The following SNTB1 variants were observed in gnomAD, a reference collection of about 807,000 sequenced individuals.
SNTB1 encodes syntrophin beta 1.
SNTB1 carries 36 observed loss-of-function variants against 48.9 expected under a neutral mutation model. The observed-to-expected ratio is 0.74, with a 90% CI of 0.56 to 0.97. The LOEUF is 0.97. Among genes scored for constraint, SNTB1 ranks in the 50% least tolerant of loss-of-function variants. SNTB1 has a pLI of 0.00. For missense variants in SNTB1, 786 were observed against 703.4 expected, an observed-to-expected ratio of 1.12 and a Z score of -1.33; for synonymous variants, 299 against 294.6, an observed-to-expected ratio of 1.01 and a Z score of -0.15.
chr8:120,570,170 G>A (rs1422069315), intron 4 of SNTB1: 1 of 152,136 alleles, frequency 6.6e-6, no homozygotes, highest in African/African-American at 2.4e-5. Context: ...ACCAAAAGAG[G>A]GGAGACTCCT....
At chr8:120,598,067 C>G (rs142424659) in intron 3 of SNTB1, among the ~76,000 whole-genome samples, 127 of 152,222 alleles carry the variant, frequency 8.3e-4, no homozygotes, top group African/African-American at 2.9e-3. Context: ...GGCGCTTATT[C>G]TGCTCACTGG....
At chr8:120,747,180 A>G (rs1480606718) in intron 1 of SNTB1, among the ~76,000 whole-genome samples, 1 of 152,240 alleles carries the variant, frequency 6.6e-6, no homozygotes, top group Non-Finnish European at 1.5e-5. Context: ...CTATGCAGCC[A>G]TAAAAAAGAA....
intron 1 of SNTB1, among the ~76,000 whole-genome samples, chr8:120,782,460 TACA>T (rs939017828): frequency 2.6e-5 from 4 of 152,120 alleles, no homozygotes; most frequent in African/African-American, 4.8e-5. Context: ...TCAACTGAAA[TACA>T]ACATTTATTG....
intron 1 of SNTB1, among the ~76,000 whole-genome samples, chr8:120,791,188 A>AAC (rs1820025725): frequency 6.6e-6 from 1 of 151,936 alleles, no homozygotes; most frequent in Non-Finnish European, 1.5e-5. Flanking sequence ...CAAAGCATAC[A>AAC]AAAACATAAA....
chr8:120,668,313 G>C lies in SNTB1; in HGVS notation c.788+25379C>G, dbSNP rs369383459. Among the ~76,000 whole-genome samples, 39 of 152,314 alleles carry C rather than the reference G, an allele frequency of 2.6e-4. 1 individual carries two copies. Among genetic ancestry groups the C allele is most frequent in the African/African-American group, 8.7e-4 (36 of 41,566 alleles). ...GTCATTGCCTGATGTCCAAGGTTTTGAGCATTGCAGTATCACACATTTTAC... is the reference window on the plus strand; with the variant it reads ...GTCATTGCCTGATGTCCAAGGTTTTCAGCATTGCAGTATCACACATTTTAC... On this transcript the variant is annotated intron_variant, in intron 2 of 6. Transcript: ENST00000517992.
intron 1 of SNTB1, among the ~76,000 whole-genome samples, chr8:120,745,151 C>T (rs1394751109): frequency 6.6e-6 from 1 of 152,000 alleles, no homozygotes; most frequent in Non-Finnish European, 1.5e-5. Context: ...TTCCTCTCTG[C>T]TCTTGGCTGC....
intron 3 of SNTB1, among the ~76,000 whole-genome samples, chr8:120,616,694 C>A (rs1401812949): frequency 6.6e-6 from 1 of 152,154 alleles, no homozygotes; most frequent in Non-Finnish European, 1.5e-5. Flanking sequence ...ACACAGCATG[C>A]AGCACTTCCA....
intron 1 of SNTB1, among the ~76,000 whole-genome samples, chr8:120,751,459 A>G (rs1448609658): frequency 6.7e-6 from 1 of 149,636 alleles, no homozygotes; most frequent in African/African-American, 2.5e-5. Context: ...CATACGAATT[A>G]AATCTTAAAG....
At chr8:120,696,851 A>G (rs1818218736) in intron 1 of SNTB1, among the ~76,000 whole-genome samples, 1 of 152,222 alleles carries the variant, frequency 6.6e-6, no homozygotes, top group Non-Finnish European at 1.5e-5. Context: ...AGATCTGGCC[A>G]TACCACCTAG....
intron 1 of SNTB1, among the ~76,000 whole-genome samples, chr8:120,789,337 A>T (rs905027056): frequency 6.6e-6 from 1 of 151,778 alleles, no homozygotes; most frequent in Non-Finnish European, 1.5e-5. Flanking sequence ...AGGAAGTAGA[A>T]AAAAAAAGAA....
intron 2 of SNTB1, among the ~76,000 whole-genome samples, chr8:120,674,979 C>G (rs188328486): frequency 4.6e-5 from 7 of 152,302 alleles, no homozygotes; most frequent in East Asian, 1.9e-4. Flanking sequence ...CTGAGGCAAA[C>G]AGAGACAAAG....
At chr8:120,800,112 C>T (rs1158696081) in intron 1 of SNTB1, among the ~76,000 whole-genome samples, 3 of 151,986 alleles carry the variant, frequency 2.0e-5, no homozygotes, top group African/African-American at 7.3e-5. Flanking sequence ...GTAAAACATT[C>T]CCTGGCATCC....
chr8:120,733,166 G>T (rs906446592), intron 1 of SNTB1, among the ~76,000 whole-genome samples: 2 of 152,108 alleles, frequency 1.3e-5, no homozygotes, highest in African/African-American at 4.8e-5. Context: ...AACACGAAAT[G>T]GTAAAATATT....
intron 4 of SNTB1, among the ~76,000 whole-genome samples, chr8:120,550,986 G>A (rs181693835): frequency 2.1e-3 from 324 of 152,234 alleles, no homozygotes; most frequent in African/African-American, 7.4e-3. Context: ...GGCCAGGCGC[G>A]GTGGCTCACT....
At chr8:120,550,149 C>A (rs1815455103) in intron 4 of SNTB1, among the ~76,000 whole-genome samples, 1 of 152,146 alleles carries the variant, frequency 6.6e-6, no homozygotes, top group African/African-American at 2.4e-5. Flanking sequence ...GAGGAGCTTT[C>A]TTTTACTTAC....
At chr8:120,700,192 C>T (rs1414662088) in intron 1 of SNTB1, among the ~76,000 whole-genome samples, 2 of 145,104 alleles carry the variant, frequency 1.4e-5, no homozygotes, top group African/African-American at 5.1e-5. Flanking sequence ...TGTGTGTGTG[C>T]GTGTATTTAA....
At chr8:120,717,254 G>A (rs1001673338) in intron 1 of SNTB1, among the ~76,000 whole-genome samples, 2 of 152,176 alleles carry the variant, frequency 1.3e-5, no homozygotes. Context: ...TTTCAGTGCT[G>A]CCTAGGCGAT....
intron 2 of SNTB1, chr8:120,654,884 C>A: frequency 2.3e-6 from 1 of 426,516 alleles, no homozygotes; most frequent in Non-Finnish European, 4.6e-6. Context: ...GTGACCTTTC[C>A]CCTCCAAGTG....
chr8:120,598,546 T>G (rs1204287709), intron 3 of SNTB1, among the ~76,000 whole-genome samples: 1 of 152,158 alleles, frequency 6.6e-6, no homozygotes, highest in Non-Finnish European at 1.5e-5. Flanking sequence ...TAGAGTCTAG[T>G]GAGGGAGATG....
Sources: gnomAD v4.1 joint callset for allele counts (sites outside exome capture counted in the v4.1 genomes callset) on GRCh38, gnomAD v4.1.1 for gene constraint, MANE v1.5 for transcripts, NCBI Gene and HGNC (gene_info 2026-07-23, HGNC 2026-07-21) for gene names.